UBE2H: variants seen among roughly 807,000 people sequenced by gnomAD.
UBE2H encodes ubiquitin conjugating enzyme E2 H.
In UBE2H, 3 loss-of-function variants were observed where a neutral mutation model predicts 29.0. That is an observed-to-expected ratio of 0.10 (90% CI 0.05 to 0.27). UBE2H has a LOEUF of 0.27. Ranked by LOEUF, UBE2H falls within the 10% of genes least tolerant of loss-of-function variation. UBE2H has a pLI of 1.00. For missense variants in UBE2H, 68 were observed against 228.2 expected, an observed-to-expected ratio of 0.30 and a Z score of 4.52; for synonymous variants, 69 against 82.9, an observed-to-expected ratio of 0.83 and a Z score of 0.91.
At chr7:129,838,858 C>T (rs1207575115) in intron 6 of UBE2H, among the ~76,000 whole-genome samples, 2 of 152,146 alleles carry the variant, frequency 1.3e-5, no homozygotes, top group African/African-American at 2.4e-5. Flanking sequence ...AGGCTGGTCT[C>T]GATCTCCTGA....
chr7:129,876,708 A>G (rs1043319297), intron 3 of UBE2H, among the ~76,000 whole-genome samples: 3 of 152,220 alleles, frequency 2.0e-5, no homozygotes, highest in Non-Finnish European at 4.4e-5. Flanking sequence ...AAACAGAAGT[A>G]AAATTCCAAA....
At chr7:129,936,900 C>A (rs953347774) in intron 1 of UBE2H, among the ~76,000 whole-genome samples, 8 of 150,698 alleles carry the variant, frequency 5.3e-5, no homozygotes, top group Admixed American at 2.0e-4. Flanking sequence ...ATCGCTTGAA[C>A]TGGGGAGACA....
rs144071368 is a variant in UBE2H at position 129,845,517 on chromosome 7, T to C, written c.299-6182A>G. Among the ~76,000 whole-genome samples, 939 of 152,322 alleles carry C rather than the reference T, an allele frequency of 6.2e-3. 6 individuals are homozygous for C. The highest frequency in any genetic ancestry group is 9.5e-3 in the Non-Finnish European group (644 of 68,034). On this transcript the variant is annotated intron_variant, in intron 5 of 6. Transcript: ENST00000355621. ...CCACTTTCTTTTCTGCACACTGCTG[T>C]TACCACTGTTATCTCTAGGCAGAGG...
At chr7:129,899,012 T>C (rs946710918) in intron 1 of UBE2H, among the ~76,000 whole-genome samples, 1 of 152,204 alleles carries the variant, frequency 6.6e-6, no homozygotes, top group Non-Finnish European at 1.5e-5. Flanking sequence ...CCTCTGCCCA[T>C]GCATCTAGGG....
At chr7:129,907,531 G>C (rs148171772) in intron 1 of UBE2H, among the ~76,000 whole-genome samples, 271 of 152,258 alleles carry the variant, frequency 1.8e-3, no homozygotes, top group African/African-American at 6.1e-3. Flanking sequence ...AAGCAGATAA[G>C]TAGACAAAAA....
chr7:129,927,411 A>G (rs1807292918), intron 1 of UBE2H, among the ~76,000 whole-genome samples: 1 of 151,962 alleles, frequency 6.6e-6, no homozygotes, highest in African/African-American at 2.4e-5. Flanking sequence ...GTGGTGGTGG[A>G]CTCCTGTAAT....
At chr7:129,854,060 G>GGTTTTTTTTTTTTTTTTTATTT (rs1554430936) in intron 5 of UBE2H, among the ~76,000 whole-genome samples, 2,094 of 99,974 alleles carry the variant, frequency 0.021, 12 homozygotes, top group Non-Finnish European at 0.031. Flanking sequence ...TTTAGTGTTA[G>GGTTTTTTTTTTTTTTTTTATTT]TTTTTTTTTT....
intron 5 of UBE2H, among the ~76,000 whole-genome samples, chr7:129,844,989 G>A (rs1584739619): frequency 1.3e-5 from 2 of 152,254 alleles, no homozygotes; most frequent in Non-Finnish European, 2.9e-5. Context: ...AATTAGCCAG[G>A]CGTGGTGGTG....
At chr7:129,898,813 CTTTT>C (rs60318810) in intron 1 of UBE2H, among the ~76,000 whole-genome samples, 1 of 145,818 alleles carries the variant, frequency 6.9e-6, no homozygotes, top group Admixed American at 6.8e-5. Context: ...AGTTGCAGGC[CTTTT>C]TTTTTTTTTC....
intron 3 of UBE2H, among the ~76,000 whole-genome samples, chr7:129,872,149 CCAGT>C (rs1362921784): frequency 1.3e-5 from 2 of 152,040 alleles, no homozygotes; most frequent in African/African-American, 2.4e-5. Context: ...GTCATCGTGC[CCAGT>C]CACAGAATTC....
intron 3 of UBE2H, among the ~76,000 whole-genome samples, chr7:129,874,411 G>T (rs959098991): frequency 6.6e-6 from 1 of 151,566 alleles, no homozygotes; most frequent in South Asian, 2.1e-4. Flanking sequence ...CTAGGTTCAC[G>T]CCATTCTCCT....
chr7:129,930,834 G>T (rs1807375391), intron 1 of UBE2H, among the ~76,000 whole-genome samples: 2 of 149,238 alleles, frequency 1.3e-5, no homozygotes, highest in Non-Finnish European at 3.0e-5. Flanking sequence ...CTTAAAGCCA[G>T]GAGGCAGGGG....
chr7:129,848,790 TTGGTGG>T (rs1168123811), intron 5 of UBE2H, among the ~76,000 whole-genome samples: 1 of 151,714 alleles, frequency 6.6e-6, no homozygotes, highest in Non-Finnish European at 1.5e-5. Flanking sequence ...ACAATTATTT[TTGGTGG>T]TGGTGGTGGG....
intron 1 of UBE2H, among the ~76,000 whole-genome samples, chr7:129,914,033 G>A (rs561242731): frequency 6.6e-6 from 1 of 152,254 alleles, no homozygotes; most frequent in South Asian, 2.1e-4. Context: ...AAGCCAGATT[G>A]GTGTCAGCAG....
chr7:129,901,090 G>A (rs772910313), intron 1 of UBE2H, among the ~76,000 whole-genome samples: 1 of 152,136 alleles, frequency 6.6e-6, no homozygotes, highest in African/African-American at 2.4e-5. Context: ...AAGGAAATAA[G>A]CACTGTCTTA....
At chr7:129,952,368 A>T in intron 1 of UBE2H, 135 bp downstream of exon 1, 1 of 1,092,314 alleles carries the variant, frequency 9.2e-7, no homozygotes, top group Non-Finnish European at 1.3e-6. Context: ...GAGCCGCCGT[A>T]GGCACTGGGG....
At chr7:129,948,076 T>G (rs1053700371) in intron 1 of UBE2H, among the ~76,000 whole-genome samples, 1 of 152,102 alleles carries the variant, frequency 6.6e-6, no homozygotes, top group Non-Finnish European at 1.5e-5. Flanking sequence ...GCCAGGCTTG[T>G]CCCGAACTCC....
At chr7:129,902,614 A>T (rs1304294888) in intron 1 of UBE2H, among the ~76,000 whole-genome samples, 3 of 152,194 alleles carry the variant, frequency 2.0e-5, no homozygotes, top group Non-Finnish European at 4.4e-5. Flanking sequence ...ATTTCCTAGG[A>T]AGTAGCCTAC....
intron 5 of UBE2H, chr7:129,857,271 A>G (rs1805723506): frequency 3.7e-6 from 2 of 536,144 alleles, no homozygotes; most frequent in East Asian, 6.1e-5. Context: ...GTGTGTGCAC[A>G]TGTATCACTA....
Sources: allele counts gnomAD v4.1 joint callset (sites outside exome capture counted in the v4.1 genomes callset), GRCh38; gene constraint gnomAD v4.1.1; transcripts MANE v1.5; gene names NCBI Gene and HGNC (gene_info 2026-07-23, HGNC 2026-07-21).